The following COL22A1 variants were observed in gnomAD, a reference collection of about 807,000 sequenced individuals.
COL22A1 encodes collagen alpha-1(XXII) chain.
Under a neutral mutation model 248.9 loss-of-function variants are expected in COL22A1, and 221 were observed. The ratio of observed to expected loss-of-function variants is 0.89; its 90% CI spans 0.80 to 0.99. The LOEUF is 0.99. Among genes scored for constraint, COL22A1 ranks in the 50% least tolerant of loss-of-function variants. COL22A1 has a pLI of 0.00. For synonymous variants in COL22A1, 891 were observed against 793.4 expected (o/e 1.12, Z -2.07); for missense variants, 2,240 against 2,179.0 (o/e 1.03, Z -0.56).
chr8:138,832,779 ATGAT>A (rs1307430507), intron 5 of COL22A1, among the ~76,000 whole-genome samples: 5 of 152,222 alleles, frequency 3.3e-5, no homozygotes, highest in Non-Finnish European at 5.9e-5. Context: ...GTATGAATGA[ATGAT>A]TAATGCCAAA....
At chr8:138,700,186 G>T (rs1336657182) in intron 31 of COL22A1, 42 bp from the exon 32 acceptor site, 3 of 1,600,474 alleles carry the variant, frequency 1.9e-6, no homozygotes, top group Admixed American at 3.4e-5. Context: ...GGGCATCAAG[G>T]AACCCAGTGT....
At chr8:138,715,590 A>T in intron 30 of COL22A1, 92 bp downstream of exon 30, 1 of 787,764 alleles carries the variant, frequency 1.3e-6, no homozygotes, top group South Asian at 1.9e-5. Context: ...AAAAAAAAAA[A>T]AAGATAGAGT....
At chr8:138,691,997 C>A (rs1342707036) in intron 35 of COL22A1, among the ~76,000 whole-genome samples, 1 of 101,332 alleles carries the variant, frequency 9.9e-6, no homozygotes, top group Non-Finnish European at 2.0e-5. Context: ...TGTGCACGTG[C>A]ATGTGTGCAT....
At chr8:138,785,725 G>A (rs553108656) in intron 12 of COL22A1, among the ~76,000 whole-genome samples, 144 of 152,278 alleles carry the variant, frequency 9.5e-4, no homozygotes, top group Non-Finnish European at 1.8e-3. Context: ...AGCGTTGTTG[G>A]TTCTTTCAAA....
At chr8:138,902,298 G>A (rs1297165814) in intron 1 of COL22A1, among the ~76,000 whole-genome samples, 1 of 152,200 alleles carries the variant, frequency 6.6e-6, no homozygotes, top group Admixed American at 6.5e-5. Context: ...AAAAGAGAGA[G>A]GAACAGAGAA....
intron 3 of COL22A1, among the ~76,000 whole-genome samples, chr8:138,856,117 T>G (rs1475125358): frequency 6.6e-6 from 1 of 152,100 alleles, no homozygotes; most frequent in East Asian, 1.9e-4. Flanking sequence ...CTCCAGAAAT[T>G]ACTACAAATG....
At chr8:138,603,304 T>G (rs906112023) in intron 59 of COL22A1, among the ~76,000 whole-genome samples, 1 of 152,216 alleles carries the variant, frequency 6.6e-6, no homozygotes, top group African/African-American at 2.4e-5. Flanking sequence ...GTAACATAAT[T>G]ACCAAAAGCT....
At chr8:138,727,159 A>G (rs917599576) in intron 23 of COL22A1, among the ~76,000 whole-genome samples, 3 of 152,144 alleles carry the variant, frequency 2.0e-5, no homozygotes, top group Admixed American at 2.0e-4. Context: ...GTGCTCTTCC[A>G]AGCGAGTTCA....
chr8:138,680,814 C>T (rs1194563252), intron 39 of COL22A1, among the ~76,000 whole-genome samples: 1 of 152,234 alleles, frequency 6.6e-6, no homozygotes, highest in East Asian at 1.9e-4. Flanking sequence ...AAGCCACATT[C>T]TGACTTACAC....
chr8:138,811,007 C>T (rs925445083), intron 9 of COL22A1, among the ~76,000 whole-genome samples: 8 of 152,170 alleles, frequency 5.3e-5, no homozygotes, highest in African/African-American at 1.2e-4. Context: ...AGCAGAACTT[C>T]GCAGACACTT....
At chr8:138,719,255 A>G (rs1251681550) in intron 27 of COL22A1, among the ~76,000 whole-genome samples, 1 of 152,220 alleles carries the variant, frequency 6.6e-6, no homozygotes, top group East Asian at 1.9e-4. Context: ...AGGCATGAAA[A>G]AAAAACACAC....
chr8:138,839,723 A>G (rs1381345971), intron 4 of COL22A1, among the ~76,000 whole-genome samples: 2 of 152,170 alleles, frequency 1.3e-5, no homozygotes, highest in African/African-American at 2.4e-5. Context: ...TGGGGGGCCC[A>G]AGTGGGAAGA....
chr8:138,791,168 G>A (rs1228404493), intron 12 of COL22A1, among the ~76,000 whole-genome samples: 1 of 152,224 alleles, frequency 6.6e-6, no homozygotes, highest in Non-Finnish European at 1.5e-5. Flanking sequence ...CCATAGAAAT[G>A]CCTTGCTTGA....
In COL22A1 at chr8:138,604,716, TG is replaced by T. The variant is rs745791094; in HGVS notation, c.4140+17del. 2.1e-5 allele frequency: 34 copies of T among 1,611,418 alleles called. No homozygotes were observed. Among genetic ancestry groups the T allele is most frequent in the Non-Finnish European group, 2.3e-5 (27 of 1,178,558 alleles). ...TGGTAAAGGGTTGCCAAGGGGTGAG[TG>T]GGCGTGTGATACTTGCCTCCTTGCC... On this transcript the variant is annotated intron_variant, in intron 59 of 64. Transcript: ENST00000303045.
chr8:138,713,716 A>T lies in COL22A1; in HGVS notation c.2517+1966T>A, dbSNP rs79268751. ...CATCACACCCTATGAGTCCACCCCC[A>T]CCGCCCCGCCGTAGGGGGTTCATGC... On this transcript the variant is annotated intron_variant, in intron 30 of 64. Transcript: ENST00000303045. Among the ~76,000 whole-genome samples the T allele has an allele frequency of 7.5e-4, 31 of 41,268 alleles. 1 individual carries two copies. The highest frequency in any genetic ancestry group is 2.1e-3 in the African/African-American group (29 of 13,688). The allele number at this position is 41,268 out of a possible 152,430, so 27.1% of individuals were successfully genotyped here.
intron 47 of COL22A1, among the ~76,000 whole-genome samples, chr8:138,640,491 G>A (rs9693541): frequency 0.018 from 2,737 of 152,068 alleles, 71 homozygotes; most frequent in African/African-American, 0.062. Flanking sequence ...TCCACCAATA[G>A]CTGGTAAATT....
chr8:138,739,234 T>C (rs898591622), intron 22 of COL22A1, among the ~76,000 whole-genome samples: 5 of 152,102 alleles, frequency 3.3e-5, no homozygotes, highest in African/African-American at 1.2e-4. Context: ...CTCTTCTCAT[T>C]TCCATGTACT....
At chr8:138,639,427 G>A (rs953104563) in intron 47 of COL22A1, among the ~76,000 whole-genome samples, 4 of 152,324 alleles carry the variant, frequency 2.6e-5, no homozygotes, top group Middle Eastern at 3.4e-3. Flanking sequence ...ACCATGCTGA[G>A]CATAGGCCAG....
At chr8:138,803,943 T>C (rs576642857) in intron 10 of COL22A1, among the ~76,000 whole-genome samples, 34 of 152,172 alleles carry the variant, frequency 2.2e-4, no homozygotes, top group Non-Finnish European at 4.9e-4. Context: ...GCAGTTCCTG[T>C]CTATTCTACT....
Sources: allele counts gnomAD v4.1 joint callset (sites outside exome capture counted in the v4.1 genomes callset), GRCh38; gene constraint gnomAD v4.1.1; transcripts MANE v1.5; gene names NCBI Gene and HGNC (gene_info 2026-07-23, HGNC 2026-07-21).